Variants in SDHAF3 observed in about 807,000 individuals in gnomAD.
SDHAF3 encodes the protein succinate dehydrogenase complex assembly factor 3.
Under a neutral mutation model 11.5 loss-of-function variants are expected in SDHAF3, and 18 were observed. The ratio of observed to expected loss-of-function variants is 1.56; its 90% CI spans 1.08 to 2.32. The LOEUF (loss-of-function observed/expected upper bound fraction) is 2.32. Among genes scored for constraint, SDHAF3 ranks in the 30% most tolerant of loss-of-function variants. SDHAF3 has a pLI of 0.00. For synonymous variants in SDHAF3, 72 were observed against 59.3 expected (o/e 1.21, Z -0.99); for missense variants, 200 against 154.4 (o/e 1.30, Z -1.57).
chr7:97,166,573 T>A (rs1464105111), intron 1 of SDHAF3, among the ~76,000 whole-genome samples: 1 of 152,232 alleles, frequency 6.6e-6, no homozygotes, highest in Non-Finnish European at 1.5e-5. Context: ...GAGTCTGTTC[T>A]GTTAGTTTTA....
chr7:97,164,359 TA>T (rs1257257800), intron 1 of SDHAF3, among the ~76,000 whole-genome samples: 1 of 149,716 alleles, frequency 6.7e-6, no homozygotes, highest in African/African-American at 2.5e-5. Context: ...ATCTCTAAAC[TA>T]AAGGTGTATT....
chr7:97,160,106 GT>G (rs1789379067), intron 1 of SDHAF3, among the ~76,000 whole-genome samples: 1 of 145,750 alleles, frequency 6.9e-6, no homozygotes. Context: ...CTGCCCGGCC[GT>G]CCCATCTGGG....
At chr7:97,127,897 G>GTTTTTT (rs920829054) in intron 1 of SDHAF3, among the ~76,000 whole-genome samples, 13 of 106,272 alleles carry the variant, frequency 1.2e-4, no homozygotes, top group East Asian at 2.9e-4. Context: ...TCTACATCAA[G>GTTTTTT]TTTTTTTTTT....
intron 1 of SDHAF3, among the ~76,000 whole-genome samples, chr7:97,147,247 A>G (rs1789150223): frequency 6.6e-6 from 1 of 152,218 alleles, no homozygotes; most frequent in Non-Finnish European, 1.5e-5. Context: ...AGTTCCTTCA[A>G]AAGATTGTTT....
intron 1 of SDHAF3, among the ~76,000 whole-genome samples, chr7:97,127,970 G>A (rs1040833062): frequency 6.9e-6 from 1 of 145,038 alleles, no homozygotes; most frequent in Non-Finnish European, 1.5e-5. Flanking sequence ...GCACTGCGTC[G>A]GCTCACTGCA....
At chr7:97,136,345 T>C (rs1292918683) in intron 1 of SDHAF3, 1 of 536,750 alleles carries the variant, frequency 1.9e-6, no homozygotes, top group African/African-American at 1.9e-5. Context: ...TTTGTTTCTT[T>C]GTGTAAACCT....
intron 1 of SDHAF3, among the ~76,000 whole-genome samples, chr7:97,125,342 C>T (rs1791559137): frequency 6.6e-6 from 1 of 152,124 alleles, no homozygotes; most frequent in Non-Finnish European, 1.5e-5. Flanking sequence ...AGGCGTTTCT[C>T]ACTTTCTGAT....
chr7:97,142,544 T>A (rs986778171), intron 1 of SDHAF3: 4 of 151,992 alleles, frequency 2.6e-5, no homozygotes, highest in African/African-American at 9.7e-5. Flanking sequence ...TTTAATTTTG[T>A]TTTTTTGCTA....
intron 1 of SDHAF3, among the ~76,000 whole-genome samples, chr7:97,178,616 T>C (rs978629291): frequency 1.3e-5 from 2 of 152,204 alleles, no homozygotes; most frequent in Non-Finnish European, 2.9e-5. Context: ...TAATGGCAAA[T>C]GATTTTGACC....
Position 97,159,236 on chromosome 7 carries a change from C to T in SDHAF3, c.175-21776C>T, listed in dbSNP as rs182765996. 5.9e-5 allele frequency among the ~76,000 whole-genome samples: 9 copies of T among 152,328 alleles called. No homozygotes were observed. The South Asian group carries it at 6.2e-4, about 11-fold the overall frequency. On this transcript the variant is annotated intron_variant, in intron 1 of 1. Transcript: ENST00000432641. The stretch of plus-strand genomic sequence containing the variant: ...TAGTTTGTAGATGTTCCTGTTGAGG[C>T]AGCTCTCCTGGGGGTAATCTCCTCT...
intron 1 of SDHAF3, among the ~76,000 whole-genome samples, chr7:97,130,635 G>T (rs1272036715): frequency 6.6e-6 from 1 of 152,228 alleles, no homozygotes; most frequent in Non-Finnish European, 1.5e-5. Context: ...GCAGCCCTGT[G>T]ATGGCAGAGG....
chr7:97,153,103 G>A (rs569526394), intron 1 of SDHAF3, among the ~76,000 whole-genome samples: 7 of 152,052 alleles, frequency 4.6e-5, no homozygotes, highest in Admixed American at 2.6e-4. Flanking sequence ...TCCTCACAAA[G>A]TTAGCTAGAC....
At chr7:97,154,680 A>G (rs1789275815) in intron 1 of SDHAF3, among the ~76,000 whole-genome samples, 1 of 152,126 alleles carries the variant, frequency 6.6e-6, no homozygotes, top group Non-Finnish European at 1.5e-5. Flanking sequence ...TTTTGGTGTC[A>G]AGTATAAGAA....
At chr7:97,143,566 A>G (rs956783851) in intron 1 of SDHAF3, among the ~76,000 whole-genome samples, 12 of 152,126 alleles carry the variant, frequency 7.9e-5, no homozygotes, top group African/African-American at 2.9e-4. Context: ...TTGTTTTTCC[A>G]TTCGTGAGTT....
chr7:97,171,698 CT>C (rs1562831600), intron 1 of SDHAF3, among the ~76,000 whole-genome samples: 1 of 151,966 alleles, frequency 6.6e-6, no homozygotes, highest in Non-Finnish European at 1.5e-5. Context: ...AGGCTACATG[CT>C]TTTCTAAATA....
chr7:97,144,578 C>T (rs985193994), intron 1 of SDHAF3, among the ~76,000 whole-genome samples: 1 of 152,136 alleles, frequency 6.6e-6, no homozygotes, highest in Non-Finnish European at 1.5e-5. Flanking sequence ...GTTGTCCTTT[C>T]CCTGCTTTAC....
chr7:97,163,217 C>T (rs1789442299), intron 1 of SDHAF3, among the ~76,000 whole-genome samples: 1 of 140,330 alleles, frequency 7.1e-6, no homozygotes, highest in Admixed American at 7.5e-5. Context: ...TCTCGGCTCA[C>T]TGCAACCTCA....
chr7:97,142,085 G>A (rs556839137), intron 1 of SDHAF3, among the ~76,000 whole-genome samples: 188 of 108,426 alleles, frequency 1.7e-3, no homozygotes, highest in Middle Eastern at 9.1e-3. Flanking sequence ...ACAGTGTCTC[G>A]CCCTGTTGCC....
rs1789334373 is a variant in SDHAF3, at chr7:97,158,289, C to G, written c.175-22723C>G. Among the ~76,000 whole-genome samples the G allele has an allele frequency of 2.0e-5, 3 of 152,100 alleles. No individual in the cohort carries two copies. The South Asian group carries it at 6.2e-4, about 32-fold the overall frequency. ...AACCTTTTTTTGTTGTTTAATGTTT[C>G]CATTTCTTCTGATCCTATAAACATC... On this transcript the variant is annotated intron_variant, in intron 1 of 1. Transcript: ENST00000432641.
Sources: allele counts gnomAD v4.1 joint callset (sites outside exome capture counted in the v4.1 genomes callset), GRCh38; gene constraint gnomAD v4.1.1; transcripts MANE v1.5; gene names NCBI Gene and HGNC (gene_info 2026-07-23, HGNC 2026-07-21).